KLHDC1: variants seen among roughly 807,000 people sequenced by gnomAD.
KLHDC1 encodes the protein kelch domain containing 1.
In KLHDC1, 53 loss-of-function variants were observed where a neutral mutation model predicts 68.3. The observed-to-expected ratio is 0.78, with a 90% CI of 0.62 to 0.98. KLHDC1 has a LOEUF of 0.98. Among genes scored for constraint, KLHDC1 ranks in the 50% least tolerant of loss-of-function variants. The pLI is 0.00. For missense variants in KLHDC1, 470 were observed against 492.3 expected, an observed-to-expected ratio of 0.95 and a Z score of 0.43; for synonymous variants, 148 against 159.0, an observed-to-expected ratio of 0.93 and a Z score of 0.52.
At chr14:49,723,549 T>TA (rs931508048) in intron 4 of KLHDC1, among the ~76,000 whole-genome samples, 1 of 151,836 alleles carries the variant, frequency 6.6e-6, no homozygotes, top group Non-Finnish European at 1.5e-5. Flanking sequence ...AAAAATAAAT[T>TA]AAAAAAAATC....
chr14:49,698,498 G>A (rs541163628), intron 1 of KLHDC1, among the ~76,000 whole-genome samples: 19 of 150,452 alleles, frequency 1.3e-4, no homozygotes, highest in Non-Finnish European at 2.8e-4. Flanking sequence ...CACCGCGCTC[G>A]GCCTTTGTTT....
chr14:49,705,365 C>CTTTTTTTTTTTTTTTTTT lies in KLHDC1; in HGVS notation c.97-3790_97-3773dup. ...TCACTTTCATAATATTTCTTTCTTT[C>CTTTTTTTTTTTTTTTTTT]TTTTTTTTTTTTTTTTTTTTTGAGA... is the stretch of plus-strand genomic sequence containing the variant. On this transcript the variant is annotated intron_variant, in intron 1 of 12. Transcript: ENST00000359332. 3.3e-3 allele frequency among the ~76,000 whole-genome samples: 239 copies of CTTTTTTTTTTTTTTTTTT among 71,670 alleles called. 49 individuals carry two copies. The highest frequency in any genetic ancestry group is 5.5e-3 in the South Asian group (9 of 1,628). 47.0% of individuals were successfully genotyped at this position (71,670 alleles called of 152,430 possible). A position where few individuals can be genotyped will look rare whatever the true frequency, so the allele number is the denominator to read the frequency against.
intron 10 of KLHDC1, among the ~76,000 whole-genome samples, chr14:49,735,811 G>A (rs1179998050): frequency 6.6e-6 from 1 of 152,120 alleles, no homozygotes; most frequent in Non-Finnish European, 1.5e-5. Flanking sequence ...AGGAGTTTGA[G>A]AGCAGCCTGG....
At chr14:49,729,761 A>G (rs1888757870) in intron 8 of KLHDC1, among the ~76,000 whole-genome samples, 1 of 152,256 alleles carries the variant, frequency 6.6e-6, no homozygotes, top group Non-Finnish European at 1.5e-5. Context: ...TAGATTATAT[A>G]AAAGTACTGG....
At chr14:49,731,822 G>C (rs1389050054) in intron 8 of KLHDC1, among the ~76,000 whole-genome samples, 1 of 152,178 alleles carries the variant, frequency 6.6e-6, no homozygotes, top group African/African-American at 2.4e-5. Context: ...TGGGATTACA[G>C]AAGTGAGCCA....
chr14:49,713,823 TA>T (rs1566602813), intron 4 of KLHDC1, among the ~76,000 whole-genome samples: 128 of 3,796 alleles, frequency 0.034, 15 homozygotes, highest in African/African-American at 0.05. Context: ...TATATATATA[TA>T]TATATATATA....
At chr14:49,695,116 ATGTGTGTGTGTGTGTG>A (rs71115393) in intron 1 of KLHDC1, among the ~76,000 whole-genome samples, 3 of 142,202 alleles carry the variant, frequency 2.1e-5, no homozygotes, top group East Asian at 2.1e-4. Context: ...TGCAGTTTTG[ATGTGTGTGTGTGTGTG>A]TGTGTGTGTG....
intron 9 of KLHDC1, 130 bp downstream of exon 9, chr14:49,732,946 C>G: frequency 1.7e-6 from 1 of 600,378 alleles, no homozygotes; most frequent in South Asian, 2.2e-5. Flanking sequence ...CAATTATTTT[C>G]TTGCATGAAT....
chr14:49,705,341 C>G (rs1407150981), intron 1 of KLHDC1, among the ~76,000 whole-genome samples: 2 of 135,518 alleles, frequency 1.5e-5, no homozygotes, highest in Non-Finnish European at 3.1e-5. Flanking sequence ...AATGACAATT[C>G]ACTTTCATAA....
intron 4 of KLHDC1, among the ~76,000 whole-genome samples, chr14:49,715,765 A>ATAT (rs751869582): frequency 3.9e-5 from 2 of 51,380 alleles, no homozygotes; most frequent in African/African-American, 1.8e-4. Context: ...AAAAAAAAAA[A>ATAT]ATATATATAT....
At chr14:49,725,098 A>G (rs1462010718) in intron 5 of KLHDC1, among the ~76,000 whole-genome samples, 1 of 152,216 alleles carries the variant, frequency 6.6e-6, no homozygotes, top group East Asian at 1.9e-4. Context: ...AAACTGGCAC[A>G]GAGATCATCT....
chr14:49,727,042 C>T (rs1888688135), intron 6 of KLHDC1, among the ~76,000 whole-genome samples: 2 of 151,044 alleles, frequency 1.3e-5, no homozygotes, highest in African/African-American at 2.4e-5. Flanking sequence ...CTCAGAAGTT[C>T]GAGACCAACC....
intron 1 of KLHDC1, among the ~76,000 whole-genome samples, chr14:49,697,137 C>A (rs951408186): frequency 1.3e-5 from 2 of 152,044 alleles, no homozygotes; most frequent in Non-Finnish European, 2.9e-5. Context: ...GGGGTTTCAC[C>A]GTGTTAGCCA....
intron 12 of KLHDC1, among the ~76,000 whole-genome samples, chr14:49,747,251 C>A (rs544050985): frequency 2.6e-5 from 4 of 152,294 alleles, no homozygotes; most frequent in Admixed American, 2.0e-4. Context: ...CCAGCCTTAA[C>A]TTTCTTTCAT....
chr14:49,749,079 G>A lies in KLHDC1; in HGVS notation c.1035-2507G>A, dbSNP rs187453824. ...CTCCCAAAGTGCTGGGATTACAGGCGTGAGCCACCCCGCCCAGCAGAGAGA... is the reference window on the plus strand; with the variant it reads ...CTCCCAAAGTGCTGGGATTACAGGCATGAGCCACCCCGCCCAGCAGAGAGA... On this transcript the variant is annotated intron_variant, in intron 12 of 12. Transcript: ENST00000359332. 3.9e-5 allele frequency among the ~76,000 whole-genome samples: 6 copies of A among 152,080 alleles called. No individual in the cohort carries two copies. The East Asian group carries it at 7.7e-4, about 20-fold the overall frequency.
chr14:49,717,415 A>G (rs1888407787), intron 4 of KLHDC1, among the ~76,000 whole-genome samples: 1 of 152,190 alleles, frequency 6.6e-6, no homozygotes, highest in African/African-American at 2.4e-5. Flanking sequence ...TAGTTATACT[A>G]GCAGATGTGA....
chr14:49,705,615 C>T (rs956398288), intron 1 of KLHDC1, among the ~76,000 whole-genome samples: 28 of 151,904 alleles, frequency 1.8e-4, no homozygotes, highest in Non-Finnish European at 2.6e-4. Flanking sequence ...GTGATCTGTT[C>T]GCCTCAGCCT....
At chr14:49,736,543 A>G (rs773502697) in intron 10 of KLHDC1, among the ~76,000 whole-genome samples, 2 of 152,186 alleles carry the variant, frequency 1.3e-5, no homozygotes, top group African/African-American at 2.4e-5. Flanking sequence ...GAACATATAT[A>G]TGTGTCTATA....
chr14:49,718,774 T>TTC, intron 4 of KLHDC1, among the ~76,000 whole-genome samples: 1 of 129,410 alleles, frequency 7.7e-6, no homozygotes, highest in South Asian at 2.6e-4. Context: ...TCTTTCTTTT[T>TTC]TTTTTTTTTT....
Sources: allele counts gnomAD v4.1 joint callset (sites outside exome capture counted in the v4.1 genomes callset), GRCh38; gene constraint gnomAD v4.1.1; transcripts MANE v1.5; gene names NCBI Gene and HGNC (gene_info 2026-07-23, HGNC 2026-07-21).